Variants in CACNA1G observed in about 807,000 individuals in gnomAD.
CACNA1G encodes the protein calcium voltage-gated channel subunit alpha1 G, also known as voltage-dependent T-type calcium channel subunit alpha-1G.
In CACNA1G, 67 loss-of-function variants were observed where a neutral mutation model predicts 219.4. The observed-to-expected ratio is 0.31, with a 90% CI of 0.25 to 0.37. The LOEUF (loss-of-function observed/expected upper bound fraction) is 0.37. CACNA1G is among the 10% of genes least tolerant of loss of function. The pLI is 1.00. For synonymous variants in CACNA1G, 1,296 were observed against 1,345.3 expected, an observed-to-expected ratio of 0.96 and a Z score of 0.80; for missense variants, 2,380 against 3,231.4, an observed-to-expected ratio of 0.74 and a Z score of 6.39.
chr17:50,599,792 T>A lies in CACNA1G; in HGVS notation c.3623T>A (p.Leu1208Gln). 1 of 1,612,928 alleles carries A rather than the reference T, an allele frequency of 6.2e-7. No homozygotes were observed. The highest frequency in any genetic ancestry group is 8.5e-7 in the Non-Finnish European group (1 of 1,179,824). The change falls in exon 17 of 38, where the codon CTG (leucine) becomes CAG (glutamine). Residue 1208 changes from leucine to glutamine, a missense_variant. By Grantham distance (113) the Leu-to-Gln change is moderately radical. Around this residue, in one of 17 missense-constraint regions of CACNA1G, gnomAD observed 418 missense variants for 434.3 expected, o/e 0.96. Coordinates refer to ENST00000359106, the MANE Select transcript of CACNA1G (RefSeq NM_018896.5). ...DCNGKSASGR[L>Q]ARALRPDDPP... is the part of the protein sequence containing the mutation. ...AATGGCAAGTCGGCTTCAGGGCGCCTGGCCCGGGCCCTGCGGCCTGATGAC... is the reference window on the plus strand; with the variant it reads ...AATGGCAAGTCGGCTTCAGGGCGCCAGGCCCGGGCCCTGCGGCCTGATGAC...
intron 9 of CACNA1G, among the ~76,000 whole-genome samples, chr17:50,589,912 C>CTCTCTCTCTCTCTCTCTCTG (rs1326523232): frequency 1.4e-5 from 2 of 141,836 alleles, no homozygotes; most frequent in African/African-American, 5.7e-5. Flanking sequence ...CTCTCTCTCT[C>CTCTCTCTCTCTCTCTCTCTG]TGTGTGTGTG....
In CACNA1G at chr17:50,626,565, C is replaced by T. The variant is rs770381438; in HGVS notation, c.6948C>T (p.Pro2316=). 15 of 1,594,056 alleles carry T rather than the reference C, an allele frequency of 9.4e-6. No homozygotes were observed. The highest frequency in any genetic ancestry group is 3.5e-5 in the Admixed American group (2 of 56,454). ...LSPPSITIDP[P]ESQGPRTPPS... ...CGCCTAGTATCACCATAGACCCCCC[C>T]GAGAGCCAAGGTCCTCGGACCCCGC... Residue 2316 remains proline (P), a synonymous_variant, in exon 38 of 38, where the codon CCC becomes CCT. Transcript: ENST00000359106. The surrounding 1 kb of genome is among the most constrained non-coding windows in gnomAD (Gnocchi z 4.3).
In CACNA1G at chr17:50,560,997, G is replaced by C; in HGVS notation, c.-463G>C. 4.0e-6 allele frequency: 1 copy of C among 251,116 alleles called. No homozygotes were observed. Among genetic ancestry groups the C allele is most frequent in the Non-Finnish European group, 7.7e-6 (1 of 130,142 alleles). The allele number at this position is 251,116 out of a possible 1,614,324, so 15.6% of individuals were successfully genotyped here. ...CTCCCCCGCCGCCTGGCGCGGAGCCGGGACGATGCTGACCCCTTAGATCCG... is the reference window on the plus strand; with the variant it reads ...CTCCCCCGCCGCCTGGCGCGGAGCCCGGACGATGCTGACCCCTTAGATCCG... On this transcript the variant is annotated 5_prime_UTR_variant, in exon 1 of 38. Coordinates refer to ENST00000359106, the MANE Select transcript of CACNA1G (RefSeq NM_018896.5).
chr17:50,585,006 A>G (rs1006423445), intron 9 of CACNA1G, among the ~76,000 whole-genome samples: 1 of 152,096 alleles, frequency 6.6e-6, no homozygotes, highest in African/African-American at 2.4e-5. Context: ...AAGGGCACTT[A>G]CCTGGGCTGG....
chr17:50,582,672 C>T (rs1197870589), intron 9 of CACNA1G, among the ~76,000 whole-genome samples: 3 of 152,060 alleles, frequency 2.0e-5, no homozygotes, highest in Non-Finnish European at 4.4e-5. Context: ...CTTGGAGACA[C>T]AGGAGCTTCC....
At chr17:50,587,688 T>C (rs1240960411) in intron 9 of CACNA1G, among the ~76,000 whole-genome samples, 1 of 152,252 alleles carries the variant, frequency 6.6e-6, no homozygotes, top group Non-Finnish European at 1.5e-5. Context: ...CAGGCCCCTT[T>C]CCACCTGCAT....
chr17:50,573,248 A>G (rs1386381173), intron 7 of CACNA1G, 135 bp downstream of exon 7: 2 of 661,802 alleles, frequency 3.0e-6, no homozygotes, highest in Non-Finnish European at 5.5e-6. Context: ...GGCATCCATC[A>G]TATAGTAGGA....
rs757652858 is a variant in CACNA1G at position 50,571,897 on chromosome 17, G to A, written c.606G>A (p.Thr202=). Residue 202 remains threonine, a synonymous_variant, in exon 5 of 38, where the codon ACG becomes ACA. Coordinates refer to ENST00000359106, the MANE Select transcript of CACNA1G (RefSeq NM_018896.5). The surrounding 1 kb of genome is among the most constrained non-coding windows in gnomAD (Gnocchi z 4.3). ...CCACAGGCATGCGCATCCTTGTCAC[G>A]TTGCTGCTGGATACGCTGCCCATGC... ...NRVPSMRILV[T]LLLDTLPMLG... is the part of the protein sequence containing the mutation. The A allele has an allele frequency of 3.8e-5, 62 of 1,613,732 alleles. No homozygotes were observed. The highest frequency in any genetic ancestry group is 4.0e-5 in the Non-Finnish European group (47 of 1,179,856).
intron 20 of CACNA1G, 60 bp downstream of exon 20, chr17:50,602,948 G>A: frequency 5.6e-6 from 9 of 1,612,172 alleles, no homozygotes; most frequent in African/African-American, 1.3e-5. Flanking sequence ...GAGACAGCTT[G>A]GGCTGAGGGT....
chr17:50,613,887 C>T (rs1416674065), intron 26 of CACNA1G, among the ~76,000 whole-genome samples: 1 of 152,130 alleles, frequency 6.6e-6, no homozygotes, highest in African/African-American at 2.4e-5. Context: ...CTCCCTTGCC[C>T]CAGGCTCTCC....
chr17:50,607,157 A>T (rs2048130728), intron 24 of CACNA1G, 168 bp downstream of exon 24: 1 of 691,542 alleles, frequency 1.4e-6, no homozygotes, highest in Admixed American at 2.0e-5. Context: ...GGCATGTTTT[A>T]TTGGTCTACA....
chr17:50,627,213 T>C lies in CACNA1G; in HGVS notation c.*462T>C. 2 of 454,358 alleles carry C rather than the reference T, an allele frequency of 4.4e-6. No homozygotes were observed. The highest frequency in any genetic ancestry group is 1.6e-5 in the South Asian group (1 of 64,478). The allele number at this position is 454,358 out of a possible 1,614,324, so 28.1% of individuals were successfully genotyped here. ...AACAGTCTAGTTATATTCCCTCTTC[T>C]TGCAAAGCACAAGCTGGGACCGCGA... On this transcript the variant is annotated 3_prime_UTR_variant, in exon 38 of 38. Transcript: ENST00000359106.
At chr17:50,609,518 T>C (rs949990488) in intron 25 of CACNA1G, among the ~76,000 whole-genome samples, 6 of 152,108 alleles carry the variant, frequency 3.9e-5, no homozygotes, top group Non-Finnish European at 8.8e-5. Flanking sequence ...GGAATTCTTT[T>C]GGCAGGCGGC....
At chr17:50,615,636 T>G in intron 27 of CACNA1G, 124 bp downstream of exon 27, 1 of 1,011,318 alleles carries the variant, frequency 9.9e-7, no homozygotes, top group Non-Finnish European at 1.4e-6. Context: ...ACTACATGGG[T>G]TCCTCTTGTG....
intron 9 of CACNA1G, among the ~76,000 whole-genome samples, chr17:50,581,062 T>G (rs1365847142): frequency 1.4e-3 from 92 of 66,984 alleles, no homozygotes; most frequent in Middle Eastern, 0.011. Flanking sequence ...AGGAGACTGA[T>G]GGGGGCGAGA....
chr17:50,620,902 T>C lies in CACNA1G; in HGVS notation c.5926-758T>C, dbSNP rs529045719. Among the ~76,000 whole-genome samples the C allele has an allele frequency of 1.2e-4, 18 of 152,218 alleles. 1 individual carries two copies. The South Asian group carries it at 3.5e-3, about 30-fold the overall frequency. On this transcript the variant is annotated intron_variant, in intron 34 of 37. Coordinates refer to ENST00000359106, the MANE Select transcript of CACNA1G (RefSeq NM_018896.5). ...AGAAGAGGACACGATGGGAAGGTGA[T>C]GGGGTTCTGGGAGGGACGGTCCAAC... is the stretch of plus-strand genomic sequence containing the variant.
intron 26 of CACNA1G, among the ~76,000 whole-genome samples, chr17:50,613,172 G>C (rs1009641637): frequency 6.6e-6 from 1 of 152,184 alleles, no homozygotes; most frequent in Non-Finnish European, 1.5e-5. Flanking sequence ...GTCATGCCTC[G>C]TAGCTAGCTG....
At chr17:50,624,319 T>C (rs1285636622) in intron 36 of CACNA1G, 41 bp from the exon 37 acceptor site, 1 of 1,434,678 alleles carries the variant, frequency 7.0e-7, no homozygotes, top group African/African-American at 1.4e-5. Context: ...TCCAGCTCCA[T>C]TCTCTCCCCC....
chr17:50,602,103 G>T (rs564476943), intron 19 of CACNA1G, among the ~76,000 whole-genome samples: 17 of 152,286 alleles, frequency 1.1e-4, no homozygotes, highest in African/African-American at 3.6e-4. Flanking sequence ...CCCGCCTGAG[G>T]CCCTGCTGTA....
Sources: allele counts gnomAD v4.1 joint callset (sites outside exome capture counted in the v4.1 genomes callset), GRCh38; gene constraint gnomAD v4.1.1; regional missense constraint gnomAD v4.1.1; non-coding constraint Gnocchi (gnomAD v3.1); transcripts MANE v1.5; gene names NCBI Gene and HGNC (gene_info 2026-07-23, HGNC 2026-07-21).